The following PPP4R1 variants were observed in gnomAD, a reference collection of about 807,000 sequenced individuals.
PPP4R1 encodes the protein protein phosphatase 4 regulatory subunit 1, also known as serine/threonine-protein phosphatase 4 regulatory subunit 1.
A neutral mutation model predicts 111.2 loss-of-function variants in PPP4R1; 42 were observed. The observed-to-expected ratio is 0.38, with a 90% CI of 0.29 to 0.49. The LOEUF (loss-of-function observed/expected upper bound fraction) is 0.49, where lower values mean the gene tolerates loss of function less well. Ranked by LOEUF, PPP4R1 falls within the 20% of genes least tolerant of loss-of-function variation. PPP4R1 has a pLI of 0.97. For missense variants in PPP4R1, 1,012 were observed against 1,161.6 expected, an observed-to-expected ratio of 0.87 and a Z score of 1.87; for synonymous variants, 409 against 405.5, an observed-to-expected ratio of 1.01 and a Z score of -0.10.
rs547840543 is a variant in PPP4R1, at chr18:9,586,763, T to C, written c.585+1326A>G. ...TGAACTCTTACTATCCAAATAGATA[T>C]GAATAAATTTCCAGACGAATTTATC... On this transcript the variant is annotated intron_variant, in intron 6 of 19. Coordinates refer to ENST00000400556, the MANE Select transcript of PPP4R1 (RefSeq NM_001042388.3). Among the ~76,000 whole-genome samples the C allele has an allele frequency of 1.4e-4, 21 of 152,290 alleles. No homozygotes were observed. In the East Asian group the frequency reaches 4.1e-3, roughly 29 times the overall value.
chr18:9,610,681 G>T (rs1340392914), intron 2 of PPP4R1, among the ~76,000 whole-genome samples: 1 of 152,014 alleles, frequency 6.6e-6, no homozygotes, highest in South Asian at 2.1e-4. Flanking sequence ...GGATGGTCTC[G>T]ATCTCCTGAC....
chr18:9,607,783 CTTTTTTTTT>C (rs59033925), intron 2 of PPP4R1, among the ~76,000 whole-genome samples: 429 of 125,336 alleles, frequency 3.4e-3, no homozygotes, highest in Non-Finnish European at 5.6e-3. Flanking sequence ...TTCTTTCTTT[CTTTTTTTTT>C]TTTTTTTTTT....
Position 9,584,710 on chromosome 18 carries a change from CAAAA to C in PPP4R1, c.693+7_693+10del. ...TTCTTAAACAGCAGAAAAAAAACGACAAAAAAATACCTTTCGAACGTGAAACATT... is the reference window on the plus strand; with the variant it reads ...TTCTTAAACAGCAGAAAAAAAACGACAAATACCTTTCGAACGTGAAACATT... On this transcript the variant is annotated splice_region_variant and intron_variant, in intron 7 of 19. Transcript: ENST00000400556. The C allele has an allele frequency of 6.2e-7, 1 of 1,612,362 alleles. No homozygotes were observed. Among genetic ancestry groups the C allele is most frequent in the South Asian group, 1.1e-5 (1 of 90,884 alleles).
In PPP4R1 at chr18:9,583,112, C is replaced by T. The variant is rs1244014417; in HGVS notation, c.918+5G>A. On this transcript the variant is annotated splice_donor_5th_base_variant and intron_variant, in intron 9 of 19. Transcript: ENST00000400556. ...ATTTTACAAAAGTGATAATCAAAACCCTACCCAACGTGAAGGATCACTGAT... is the reference window on the plus strand; with the variant it reads ...ATTTTACAAAAGTGATAATCAAAACTCTACCCAACGTGAAGGATCACTGAT... 8.1e-6 allele frequency: 13 copies of T among 1,599,138 alleles called. No homozygotes were observed. The highest frequency in any genetic ancestry group is 8.5e-6 in the Non-Finnish European group (10 of 1,170,500).
At chr18:9,596,422 G>C (rs1242997128) in intron 2 of PPP4R1, among the ~76,000 whole-genome samples, 1 of 152,070 alleles carries the variant, frequency 6.6e-6, no homozygotes, top group Non-Finnish European at 1.5e-5. Context: ...TCAACATCTG[G>C]TACGTATTAG....
rs551925585 is a variant in PPP4R1, at chr18:9,556,752, G to A, written c.2190+469C>T. Among the ~76,000 whole-genome samples, 340 of 152,316 alleles carry A rather than the reference G, an allele frequency of 2.2e-3. 4 individuals carry two copies. The South Asian group carries it at 0.024, about 11-fold the overall frequency. On this transcript the variant is annotated intron_variant, in intron 15 of 19. Transcript: ENST00000400556. The stretch of plus-strand genomic sequence containing the variant: ...ACACAGTTGACTTTCAACAACAGGG[G>A]TTTGAACTGCATGGGTCCACTTATA...
intron 6 of PPP4R1, among the ~76,000 whole-genome samples, chr18:9,585,243 A>G (rs1454921063): frequency 6.6e-6 from 1 of 152,212 alleles, no homozygotes; most frequent in African/African-American, 2.4e-5. Flanking sequence ...CCCAGGAAAG[A>G]TCTAGATTTA....
chr18:9,585,850 A>G (rs149252210), intron 6 of PPP4R1, among the ~76,000 whole-genome samples: 4 of 152,262 alleles, frequency 2.6e-5, no homozygotes, highest in East Asian at 3.9e-4. Flanking sequence ...GAAAACTACA[A>G]AAGATTAAAG....
intron 2 of PPP4R1, among the ~76,000 whole-genome samples, chr18:9,613,115 ATCCGGTAGGCTT>A (rs1359221485): frequency 6.6e-6 from 1 of 152,248 alleles, no homozygotes; most frequent in Non-Finnish European, 1.5e-5. Context: ...CAATCTCAGC[ATCCGGTAGGCTT>A]TCCACTAAAC....
chr18:9,580,817 G>T (rs1269048218), intron 9 of PPP4R1, among the ~76,000 whole-genome samples: 1 of 152,158 alleles, frequency 6.6e-6, no homozygotes, highest in Non-Finnish European at 1.5e-5. Context: ...GAGGGGTGAG[G>T]CTCCTTTCTT....
chr18:9,561,486 G>C (rs1441858035), intron 13 of PPP4R1, among the ~76,000 whole-genome samples: 1 of 152,122 alleles, frequency 6.6e-6, no homozygotes, highest in East Asian at 1.9e-4. Flanking sequence ...GAAAAGAAAA[G>C]AGCAAGGCAA....
intron 19 of PPP4R1, among the ~76,000 whole-genome samples, chr18:9,548,912 C>G (rs539911564): frequency 1.6e-4 from 25 of 152,206 alleles, no homozygotes; most frequent in African/African-American, 5.8e-4. Flanking sequence ...GGCGAGACTC[C>G]GTCTCAAAAT....
At chr18:9,578,244 C>T (rs1434123387) in intron 9 of PPP4R1, among the ~76,000 whole-genome samples, 2 of 152,084 alleles carry the variant, frequency 1.3e-5, no homozygotes, top group African/African-American at 4.8e-5. Context: ...TTTAGCATTC[C>T]TTTTCCTTTT....
chr18:9,557,300 A>G lies in PPP4R1; in HGVS notation c.2111T>C (p.Val704Ala). 1 of 1,613,224 alleles carries G rather than the reference A, an allele frequency of 6.2e-7. No homozygotes were observed. The highest frequency in any genetic ancestry group is 8.5e-7 in the Non-Finnish European group (1 of 1,179,638). ...TTTTAAAAATCCATTAAAAATTGGA[A>G]CCAGATCTGCAGCTGTCAATTGATC... ...LGDQLTAADL[V>A]PIFNGFLKDL... Residue 704 changes from valine to alanine, a missense_variant, in exon 15 of 20, where the codon GTT becomes GCT. By Grantham distance (64) the Val-to-Ala change is moderately conservative. Transcript: ENST00000400556.
chr18:9,554,919 A>G (rs918433713), intron 15 of PPP4R1, among the ~76,000 whole-genome samples: 2 of 152,258 alleles, frequency 1.3e-5, no homozygotes, highest in African/African-American at 4.8e-5. Context: ...TTAAAATCCT[A>G]GAGTCCCCAC....
chr18:9,554,336 C>G (rs562908785), intron 15 of PPP4R1, among the ~76,000 whole-genome samples: 1 of 152,118 alleles, frequency 6.6e-6, no homozygotes, highest in South Asian at 2.1e-4. Flanking sequence ...ACCGTGTTAG[C>G]CAGGATGGTC....
At chr18:9,611,810 G>T (rs529357821) in intron 2 of PPP4R1, among the ~76,000 whole-genome samples, 82 of 152,190 alleles carry the variant, frequency 5.4e-4, no homozygotes, top group Non-Finnish European at 1.0e-3. Flanking sequence ...TCGGGAGTTC[G>T]AGACCAGCCT....
chr18:9,606,480 T>TA (rs1295265168), intron 2 of PPP4R1, among the ~76,000 whole-genome samples: 3 of 152,234 alleles, frequency 2.0e-5, no homozygotes, highest in Non-Finnish European at 2.9e-5. Context: ...ATAATCTTTA[T>TA]AGTCTCCAGC....
intron 4 of PPP4R1, among the ~76,000 whole-genome samples, chr18:9,590,547 C>A (rs1247403908): frequency 6.6e-6 from 1 of 152,138 alleles, no homozygotes; most frequent in Admixed American, 6.5e-5. Context: ...TTCTTCAAAG[C>A]CCCGCTTAGG....
Sources: gnomAD v4.1 joint callset for allele counts (sites outside exome capture counted in the v4.1 genomes callset) on GRCh38, gnomAD v4.1.1 for gene constraint, MANE v1.5 for transcripts, NCBI Gene and HGNC (gene_info 2026-07-23, HGNC 2026-07-21) for gene names.